NPSR1: variants seen among roughly 807,000 people sequenced by gnomAD.
NPSR1 encodes the protein neuropeptide S receptor 1.
NPSR1 carries 48 observed loss-of-function variants against 46.9 expected under a neutral mutation model. The observed-to-expected ratio is 1.02, with a 90% confidence interval of 0.81 to 1.30. NPSR1 has a LOEUF of 1.30. NPSR1 is among the 50% of genes most tolerant of loss of function. The probability of loss-of-function intolerance (pLI) is 0.00; values close to 1 mark genes in which losing one functional copy is unlikely to be tolerated. For synonymous variants in NPSR1, 176 were observed against 168.1 expected (o/e 1.05, Z -0.36); for missense variants, 450 against 449.5 (o/e 1.00, Z -0.01).
At chr7:34,810,223 T>A (rs914647365) in intron 3 of NPSR1, among the ~76,000 whole-genome samples, 1 of 152,236 alleles carries the variant, frequency 6.6e-6, no homozygotes, top group Non-Finnish European at 1.5e-5. Flanking sequence ...TTCTACTCCC[T>A]CTGGATTTGA....
chr7:34,700,466 G>C (rs323915), intron 2 of NPSR1, among the ~76,000 whole-genome samples: 70,824 of 151,930 alleles, frequency 0.47, 17,463 homozygotes, highest in African/African-American at 0.63. Context: ...ATTTAAGCCT[G>C]AAGTTTTTTT....
At chr7:34,659,743 C>A (rs1463652916) in intron 1 of NPSR1, among the ~76,000 whole-genome samples, 3 of 152,160 alleles carry the variant, frequency 2.0e-5, no homozygotes, top group African/African-American at 7.2e-5. Context: ...CACGATGTAG[C>A]TTAGAAAGTA....
rs1177546516 is a variant in NPSR1 at position 34,717,884 on chromosome 7, GC to G, written c.280+33203del. On this transcript the variant is annotated intron_variant, in intron 2 of 8. Coordinates refer to ENST00000360581, the MANE Select transcript of NPSR1 (RefSeq NM_207172.2). The stretch of plus-strand genomic sequence containing the variant: ...GTGCCATCAGACAAGTCAAATCGCT[GC>G]CCTTCTCTTTACTCAAAGGATCTGG... 1.1e-4 allele frequency among the ~76,000 whole-genome samples: 16 copies of G among 152,260 alleles called. No homozygotes were observed. The East Asian group carries it at 3.1e-3, about 29-fold the overall frequency.
intron 2 of NPSR1, among the ~76,000 whole-genome samples, chr7:34,777,901 A>C (rs1034620818): frequency 5.9e-5 from 9 of 152,118 alleles, no homozygotes; most frequent in African/African-American, 2.2e-4. Context: ...AATTCAACCA[A>C]GTATATTAAT....
In NPSR1 at chr7:34,862,972, C is replaced by T. The variant is rs910028704; in HGVS notation, c.1025+14309C>T. On this transcript the variant is annotated intron_variant, in intron 8 of 8. Coordinates refer to the NPSR1 transcript ENST00000359791. ...AGCAAGGAGGCATCGAGCTACCTGACTTCAAACTATACTACAAGGCTACAG... is the reference window on the plus strand; with the variant it reads ...AGCAAGGAGGCATCGAGCTACCTGATTTCAAACTATACTACAAGGCTACAG... 4.0e-5 allele frequency among the ~76,000 whole-genome samples: 6 copies of T among 151,770 alleles called. 1 individual carries two copies. The highest frequency in any genetic ancestry group is 7.3e-5 in the African/African-American group (3 of 41,048).
At chr7:34,846,518 TATTA>T (rs1214377432) in intron 7 of NPSR1, among the ~76,000 whole-genome samples, 2 of 152,168 alleles carry the variant, frequency 1.3e-5, no homozygotes, top group Admixed American at 6.5e-5. Flanking sequence ...ATACTATTTT[TATTA>T]ATTAAAATGT....
At chr7:34,798,587 G>C (rs977933037) in intron 3 of NPSR1, among the ~76,000 whole-genome samples, 3 of 152,104 alleles carry the variant, frequency 2.0e-5, no homozygotes, top group Non-Finnish European at 2.9e-5. Context: ...TAACTGAACA[G>C]CTATCAGTTA....
rs1783668236 is a variant in NPSR1, at chr7:34,718,161, TATTA to T, written c.280+33478_280+33481del. ...GTTAAAGTGGAAAATTCTTTAAAAA[TATTA>T]TTTATAAATTCATTGTAAATAACAA... is the stretch of plus-strand genomic sequence containing the variant. On this transcript the variant is annotated intron_variant, in intron 2 of 8. Transcript: ENST00000360581. 2.0e-5 allele frequency among the ~76,000 whole-genome samples: 3 copies of T among 152,328 alleles called. No homozygotes were observed. The South Asian group carries it at 6.2e-4, about 32-fold the overall frequency.
At chr7:34,679,228 C>A (rs937223805) in intron 1 of NPSR1, among the ~76,000 whole-genome samples, 2 of 152,034 alleles carry the variant, frequency 1.3e-5, no homozygotes, top group Non-Finnish European at 1.5e-5. Flanking sequence ...CTTGTAAGAT[C>A]TTACATATCA....
chr7:34,669,611 T>C (rs1164936174), intron 1 of NPSR1, among the ~76,000 whole-genome samples: 3 of 152,020 alleles, frequency 2.0e-5, no homozygotes, highest in African/African-American at 7.2e-5. Context: ...TGTTTAATTC[T>C]TTAATATGCA....
At chr7:34,736,697 C>G (rs564141420) in intron 2 of NPSR1, among the ~76,000 whole-genome samples, 1 of 152,198 alleles carries the variant, frequency 6.6e-6, no homozygotes, top group Admixed American at 6.6e-5. Flanking sequence ...AACTTCTGGG[C>G]TCTAGTGATC....
chr7:34,759,997 C>CACTG (rs1222733205), intron 2 of NPSR1, among the ~76,000 whole-genome samples: 1 of 152,192 alleles, frequency 6.6e-6, no homozygotes, highest in Non-Finnish European at 1.5e-5. Flanking sequence ...TTCTTTTCAC[C>CACTG]TTATCCGCCA....
chr7:34,680,734 C>A (rs1490702116), intron 1 of NPSR1, among the ~76,000 whole-genome samples: 3 of 152,094 alleles, frequency 2.0e-5, no homozygotes, highest in South Asian at 2.1e-4. Context: ...ATATTGCAAT[C>A]ATAAACCAAA....
At chr7:34,862,254 G>A (rs1791207393) in intron 8 of NPSR1, among the ~76,000 whole-genome samples, 1 of 151,680 alleles carries the variant, frequency 6.6e-6, no homozygotes, top group Admixed American at 6.6e-5. Flanking sequence ...GCAGTGGGCA[G>A]TTCTTCCTCC....
At chr7:34,669,880 G>A (rs1392467553) in intron 1 of NPSR1, among the ~76,000 whole-genome samples, 1 of 152,174 alleles carries the variant, frequency 6.6e-6, no homozygotes, top group African/African-American at 2.4e-5. Flanking sequence ...CAGCTGTCGA[G>A]AGGATCGTGA....
At chr7:34,820,224 A>T (rs948655213) in intron 4 of NPSR1, among the ~76,000 whole-genome samples, 1 of 152,360 alleles carries the variant, frequency 6.6e-6, no homozygotes, top group African/African-American at 2.4e-5. Context: ...GAATGTATAC[A>T]TATCTCCAGA....
intron 3 of NPSR1, among the ~76,000 whole-genome samples, chr7:34,791,513 A>T (rs767667162): frequency 2.0e-5 from 3 of 151,034 alleles, no homozygotes; most frequent in Non-Finnish European, 3.0e-5. Flanking sequence ...AGTAGGTGAT[A>T]GACTTATACA....
At chr7:34,757,753 C>T (rs939147640) in intron 2 of NPSR1, among the ~76,000 whole-genome samples, 6 of 152,144 alleles carry the variant, frequency 3.9e-5, no homozygotes, top group Non-Finnish European at 8.8e-5. Context: ...TCTGGCCATG[C>T]GACTGTTCTG....
At chr7:34,696,366 T>C (rs112392366) in intron 2 of NPSR1, among the ~76,000 whole-genome samples, 2,162 of 152,158 alleles carry the variant, frequency 0.014, 47 homozygotes, top group African/African-American at 0.05. Context: ...GTTACAGTGT[T>C]CACTATTTAG....
Sources: gnomAD v4.1 joint callset for allele counts (sites outside exome capture counted in the v4.1 genomes callset) on GRCh38, gnomAD v4.1.1 for gene constraint, MANE v1.5 for transcripts, NCBI Gene and HGNC (gene_info 2026-07-23, HGNC 2026-07-21) for gene names.